Variants in AP2A1 observed in about 807,000 individuals in gnomAD.
The protein encoded by AP2A1 is AP-2 complex subunit alpha-1.
A neutral mutation model predicts 107.3 loss-of-function variants in AP2A1; 21 were observed. The observed-to-expected ratio is 0.20, with a 90% CI of 0.14 to 0.28. The LOEUF is 0.28. Among genes scored for constraint, AP2A1 ranks in the 10% least tolerant of loss-of-function variants. The pLI is 1.00. For synonymous variants in AP2A1, 602 were observed against 564.8 expected, an observed-to-expected ratio of 1.07 and a Z score of -0.93; for missense variants, 873 against 1,307.7, an observed-to-expected ratio of 0.67 and a Z score of 5.13.
chr19:49,783,860 C>T (rs1041300046), intron 4 of AP2A1, among the ~76,000 whole-genome samples: 9 of 152,314 alleles, frequency 5.9e-5, no homozygotes, highest in African/African-American at 1.4e-4. Context: ...CTGTCTGAAA[C>T]GTTGGCACGG....
In AP2A1 at chr19:49,800,884, A is replaced by G. The variant is rs1412559719; in HGVS notation, c.1456-77A>G. ...CAGAGCTTTCAGTGTTCCACCAGTC[A>G]GTAGGTGGCTGCACCCACCGATCCC... On this transcript the variant is annotated intron_variant, in intron 11 of 22. Transcript: ENST00000354293. 14 of 1,183,906 alleles carry G rather than the reference A, an allele frequency of 1.2e-5. No homozygotes were observed. The East Asian group carries it at 3.6e-4, about 31-fold the overall frequency. The allele number at this position is 1,183,906 out of a possible 1,614,324, so 73.3% of individuals were successfully genotyped here. A position where few individuals can be genotyped will look rare whatever the true frequency, so the allele number is the denominator to read the frequency against.
intron 1 of AP2A1, among the ~76,000 whole-genome samples, chr19:49,774,766 C>T (rs554219905): frequency 2.4e-4 from 36 of 151,658 alleles, no homozygotes; most frequent in Admixed American, 1.1e-3. Flanking sequence ...ACTAAAAATA[C>T]ACAAATTAGC....
At chr19:49,772,501 T>G (rs2084573489) in intron 1 of AP2A1, among the ~76,000 whole-genome samples, 1 of 137,394 alleles carries the variant, frequency 7.3e-6, no homozygotes, top group African/African-American at 2.7e-5. Flanking sequence ...TCAAGAATTC[T>G]TTTTTTTTTT....
intron 4 of AP2A1, among the ~76,000 whole-genome samples, chr19:49,786,011 C>T (rs1265488307): frequency 6.6e-6 from 1 of 151,816 alleles, no homozygotes; most frequent in African/African-American, 2.4e-5. Flanking sequence ...ACCCGGGGGG[C>T]AGAGGTTGCA....
At chr19:49,795,486 G>A in intron 6 of AP2A1, 144 bp from the exon 7 acceptor site, 3 of 633,946 alleles carry the variant, frequency 4.7e-6, no homozygotes, top group Admixed American at 2.6e-5. Context: ...GTGAGACCCT[G>A]TCTCTACAAA....
chr19:49,800,616 G>A (rs142811133), intron 11 of AP2A1: 7 of 270,884 alleles, frequency 2.6e-5, no homozygotes, highest in Admixed American at 5.1e-5. Flanking sequence ...CTACAGGCAC[G>A]CGCCACCACA....
At position 49,784,951 on chromosome 19, in the gene AP2A1, G is replaced by A. The variant is rs969573391; in HGVS notation, c.473+2227G>A. 2.0e-5 allele frequency among the ~76,000 whole-genome samples: 3 copies of A among 152,178 alleles called. No homozygotes were observed. The East Asian group carries it at 5.8e-4, about 29-fold the overall frequency. On this transcript the variant is annotated intron_variant, in intron 4 of 22. Transcript: ENST00000354293. Reference sequence around the variant, plus strand: ...TGTCTGAATTTAGTTAGCAGAGTAGGCACAGCCAAAGCCAGAATTAGTGGC... The same window carrying A: ...TGTCTGAATTTAGTTAGCAGAGTAGACACAGCCAAAGCCAGAATTAGTGGC...
chr19:49,798,813 G>A lies in AP2A1; in HGVS notation c.826G>A (p.Val276Met), dbSNP rs931407127. Reference sequence around the variant, plus strand: ...CTTCGTTTCCCCAGAGGATGCGGCTGTGAAGGGGCGGCTGGTGGAATGTCT... The same window carrying A: ...CTTCGTTTCCCCAGAGGATGCGGCTATGAAGGGGCGGCTGGTGGAATGTCT... ...QCYPPPEDAA[V>M]KGRLVECLET... Residue 276 changes from valine to methionine, a missense_variant, in exon 8 of 23, where the codon GTG (valine) becomes ATG (methionine). Transcript: ENST00000354293. The A allele has an allele frequency of 3.1e-6, 5 of 1,604,704 alleles. No individual in the cohort carries two copies. The African/African-American group carries it at 4.0e-5, about 13-fold the overall frequency.
intron 1 of AP2A1, among the ~76,000 whole-genome samples, chr19:49,775,503 T>G (rs912043460): frequency 6.6e-6 from 1 of 152,088 alleles, no homozygotes; most frequent in Non-Finnish European, 1.5e-5. Context: ...TTAGTAGATA[T>G]GGGATTTTGC....
intron 5 of AP2A1, 91 bp from the exon 6 acceptor site, chr19:49,792,900 C>A: frequency 8.8e-7 from 1 of 1,142,568 alleles, no homozygotes; most frequent in Non-Finnish European, 1.3e-6. Context: ...CCCGACTGCA[C>A]ACACATCCCG....
intron 18 of AP2A1, 131 bp downstream of exon 18, chr19:49,803,507 A>G: frequency 1.4e-6 from 1 of 733,000 alleles, no homozygotes; most frequent in Non-Finnish European, 2.4e-6. Context: ...TCTGAGATTG[A>G]GTGTCTGCAT....
chr19:49,795,531 C>T, intron 6 of AP2A1, 99 bp from the exon 7 acceptor site: 1 of 768,126 alleles, frequency 1.3e-6, no homozygotes, highest in Non-Finnish European at 2.2e-6. Flanking sequence ...ACACTGACAG[C>T]ACTGCCCTTG....
chr19:49,794,441 A>T (rs995030919), intron 6 of AP2A1, among the ~76,000 whole-genome samples: 1 of 151,190 alleles, frequency 6.6e-6, no homozygotes, highest in Non-Finnish European at 1.5e-5. Flanking sequence ...GCTTCAAGTG[A>T]TCCTCCCGCC....
chr19:49,798,374 G>A (rs1276039170), intron 7 of AP2A1, among the ~76,000 whole-genome samples: 8 of 152,188 alleles, frequency 5.3e-5, no homozygotes, highest in Admixed American at 5.2e-4. Context: ...GGTGGCTTGT[G>A]CATTTTTGTC....
chr19:49,781,803 C>T lies in AP2A1; in HGVS notation c.114C>T (p.Ala38=). The part of the protein sequence containing the change: ...AEIKRINKEL[A]NIRSKFKGDK... ...TTAAGAGAATCAACAAGGAACTGGC[C>T]AACATCCGCTCCAAGTTCAAAGGTA... Residue 38 remains alanine, a synonymous_variant, in exon 2 of 23, where the codon GCC becomes GCT. Transcript: ENST00000354293. 1.2e-6 allele frequency: 2 copies of T among 1,609,000 alleles called. No individual in the cohort carries two copies. Among genetic ancestry groups the T allele is most frequent in the Non-Finnish European group, 1.7e-6 (2 of 1,177,472 alleles).
intron 3 of AP2A1, 25 bp from the exon 4 acceptor site, chr19:49,782,506 C>T (rs2084689641): frequency 2.5e-6 from 4 of 1,605,472 alleles, no homozygotes; most frequent in Non-Finnish European, 3.4e-6. Flanking sequence ...AGGCTCCTAG[C>T]CATCCACGAC....
chr19:49,787,349 T>G (rs1192276015), intron 4 of AP2A1, among the ~76,000 whole-genome samples: 1 of 116,402 alleles, frequency 8.6e-6, no homozygotes, highest in Non-Finnish European at 1.7e-5. Context: ...TTTTTTTTGT[T>G]TTTTGTTTTT....
intron 15 of AP2A1, 113 bp downstream of exon 15, chr19:49,802,254 C>T (rs2073294846): frequency 1.1e-6 from 1 of 928,568 alleles, no homozygotes; most frequent in Non-Finnish European, 1.7e-6. Flanking sequence ...TCGCTCCTCT[C>T]TCCATCCTGA....
intron 18 of AP2A1, chr19:49,804,126 C>G (rs989572613): frequency 6.6e-6 from 1 of 152,256 alleles, no homozygotes; most frequent in Non-Finnish European, 1.5e-5. Flanking sequence ...ATCCCAGCTA[C>G]TCAGGAGGCT....
Sources: allele counts gnomAD v4.1 joint callset (sites outside exome capture counted in the v4.1 genomes callset), GRCh38; gene constraint gnomAD v4.1.1; transcripts MANE v1.5; gene names NCBI Gene and HGNC (gene_info 2026-07-23, HGNC 2026-07-21).